Variants in RGS10 observed in about 807,000 individuals in gnomAD.
RGS10 encodes regulator of G protein signaling 10.
RGS10 carries 11 observed loss-of-function variants against 23.5 expected under a neutral mutation model. The ratio of observed to expected loss-of-function variants is 0.47; its 90% confidence interval spans 0.29 to 0.77. The LOEUF (loss-of-function observed/expected upper bound fraction) is 0.77. Among genes scored for constraint, RGS10 ranks in the 30% least tolerant of loss-of-function variants. The pLI is 0.08. For synonymous variants in RGS10, 77 were observed against 83.2 expected (o/e 0.92, Z 0.41); for missense variants, 180 against 226.3 (o/e 0.80, Z 1.31).
intron 4 of RGS10, among the ~76,000 whole-genome samples, chr10:119,510,043 G>A (rs577283549): frequency 1.4e-4 from 21 of 152,164 alleles, no homozygotes; most frequent in Middle Eastern, 6.8e-3. Flanking sequence ...AGGGTTTCAC[G>A]GCTGACTTTC....
At chr10:119,523,999 C>A (rs567271786) in intron 3 of RGS10, among the ~76,000 whole-genome samples, 2 of 152,322 alleles carry the variant, frequency 1.3e-5, no homozygotes, top group East Asian at 3.9e-4. Context: ...TGTCGCCAGC[C>A]CTGCCTGCCC....
At chr10:119,510,619 C>T (rs1844066159) in intron 4 of RGS10, among the ~76,000 whole-genome samples, 1 of 152,186 alleles carries the variant, frequency 6.6e-6, no homozygotes, top group South Asian at 2.1e-4. Context: ...CAGAGTAGGG[C>T]CTCAGTTCAT....
intron 1 of RGS10, among the ~76,000 whole-genome samples, chr10:119,532,386 G>A (rs548416554): frequency 4.6e-5 from 7 of 152,116 alleles, no homozygotes; most frequent in Non-Finnish European, 1.0e-4. Context: ...CTGCTCAGGG[G>A]ACACACTAAG....
At chr10:119,523,163 T>G (rs1347555044) in intron 3 of RGS10, among the ~76,000 whole-genome samples, 3 of 152,146 alleles carry the variant, frequency 2.0e-5, no homozygotes, top group African/African-American at 7.2e-5. Flanking sequence ...TCGGGCGAGC[T>G]GCCGCTTAAC....
chr10:119,522,881 C>CTTT (rs35536168), intron 3 of RGS10, among the ~76,000 whole-genome samples: 1 of 147,748 alleles, frequency 6.8e-6, no homozygotes, highest in Non-Finnish European at 1.5e-5. Context: ...GCTCTGAATT[C>CTTT]TTTTTTTTTT....
chr10:119,502,840 C>T (rs7077832), intron 4 of RGS10, among the ~76,000 whole-genome samples: 10,584 of 152,290 alleles, frequency 0.069, 496 homozygotes, highest in African/African-American at 0.12. Context: ...GCCCATCTCC[C>T]GTGCTGCTGC....
chr10:119,527,242 CCT>C lies in RGS10; in HGVS notation c.168+62_168+63del. 1 of 1,187,320 alleles carries C rather than the reference CCT, an allele frequency of 8.4e-7. No homozygotes were observed. The highest frequency in any genetic ancestry group is 1.2e-6 in the Non-Finnish European group (1 of 805,800). The allele number at this position is 1,187,320 out of a possible 1,614,324, so 73.5% of individuals were successfully genotyped here. ...CAATGTTGAACTGGCCTATTTCTCC[CCT>C]GTGTGCATCTGAACTTCTGCACACA... On this transcript the variant is annotated intron_variant, in intron 2 of 4. Transcript: ENST00000369103. This position sits in a 1 kb window ranked among gnomAD's most constrained non-coding sequence, Gnocchi z 4.2.
rs568789474 is a variant in RGS10 at position 119,536,346 on chromosome 10, C to T, written c.49+6244G>A. On this transcript the variant is annotated intron_variant, in intron 1 of 4. Coordinates refer to ENST00000369103, the MANE Select transcript of RGS10 (RefSeq NM_001005339.2). ...AGCCAAGTGCTCCTACTGGCCCTTCCACAGTCACCTGTGCACCTCTGTGTC... is the reference window on the plus strand; with the variant it reads ...AGCCAAGTGCTCCTACTGGCCCTTCTACAGTCACCTGTGCACCTCTGTGTC... The T allele has an allele frequency of 1.0e-5, 9 of 873,378 alleles. No homozygotes were observed. In the East Asian group the frequency reaches 2.5e-4, roughly 24 times the overall value. 54.1% of individuals were successfully genotyped at this position (873,378 alleles called of 1,614,324 possible). A position where few individuals can be genotyped will look rare whatever the true frequency, so the allele number is the denominator to read the frequency against.
intron 4 of RGS10, among the ~76,000 whole-genome samples, chr10:119,510,735 T>C (rs2133947805): frequency 6.6e-6 from 1 of 152,308 alleles, no homozygotes; most frequent in East Asian, 1.9e-4. Flanking sequence ...TATTTGTTTT[T>C]TGAGATGGAG....
intron 4 of RGS10, among the ~76,000 whole-genome samples, chr10:119,505,701 T>G (rs1197094306): frequency 1.3e-5 from 2 of 152,224 alleles, no homozygotes; most frequent in Non-Finnish European, 2.9e-5. Context: ...CCCTGACGCA[T>G]ACTCATCTGT....
intron 4 of RGS10, among the ~76,000 whole-genome samples, chr10:119,506,762 G>C (rs1013405912): frequency 6.6e-6 from 1 of 152,084 alleles, no homozygotes; most frequent in Non-Finnish European, 1.5e-5. Flanking sequence ...GTGCAGCGGC[G>C]CGATCTCAGC....
chr10:119,502,930 C>T (rs1202401129), intron 4 of RGS10, among the ~76,000 whole-genome samples: 4 of 152,178 alleles, frequency 2.6e-5, no homozygotes, highest in South Asian at 2.1e-4. Flanking sequence ...AGCCCTCGTG[C>T]GCCTGGGCTG....
At position 119,500,781 on chromosome 10, in the gene RGS10, G is replaced by A. The variant is rs146813097; in HGVS notation, c.400-522C>T. 5.2e-3 allele frequency among the ~76,000 whole-genome samples: 779 copies of A among 151,254 alleles called. 9 individuals are homozygous for A. The highest frequency in any genetic ancestry group is 0.018 in the African/African-American group (746 of 41,130). On this transcript the variant is annotated intron_variant, in intron 4 of 4. Coordinates refer to ENST00000369103, the MANE Select transcript of RGS10 (RefSeq NM_001005339.2). ...GTCAAAATGAGGCGTGCTCACTGCA[G>A]GGCAGGGCAGCAAAACTATAATCTT... is the stretch of plus-strand genomic sequence containing the variant.
At chr10:119,512,198 AC>A (rs1844086113) in intron 4 of RGS10, among the ~76,000 whole-genome samples, 1 of 152,050 alleles carries the variant, frequency 6.6e-6, no homozygotes, top group South Asian at 2.1e-4. Flanking sequence ...CTGCGGCTCC[AC>A]CATGAAGCCC....
chr10:119,530,552 C>T (rs1017098047), intron 1 of RGS10, among the ~76,000 whole-genome samples: 5 of 152,004 alleles, frequency 3.3e-5, no homozygotes, highest in Non-Finnish European at 5.9e-5. Context: ...AGGCTGGGCA[C>T]GGTGGTTCAC....
chr10:119,539,682 C>G (rs574318389), intron 1 of RGS10, among the ~76,000 whole-genome samples: 1 of 152,052 alleles, frequency 6.6e-6, no homozygotes, highest in Admixed American at 6.6e-5. Flanking sequence ...ACCCACAGGA[C>G]GGGTGGAACA....
intron 1 of RGS10, among the ~76,000 whole-genome samples, chr10:119,536,143 G>A (rs1435319957): frequency 6.6e-6 from 1 of 152,190 alleles, no homozygotes. Context: ...TCCCTTGCCA[G>A]AGAGATCTGA....
intron 3 of RGS10, among the ~76,000 whole-genome samples, chr10:119,523,990 G>A (rs1844246178): frequency 6.6e-6 from 1 of 151,976 alleles, no homozygotes; most frequent in Non-Finnish European, 1.5e-5. Context: ...CTCAGCTCTT[G>A]TCGCCAGCCC....
At chr10:119,514,915 G>A (rs1055904326) in intron 4 of RGS10, among the ~76,000 whole-genome samples, 16 of 152,050 alleles carry the variant, frequency 1.1e-4, no homozygotes, top group African/African-American at 2.7e-4. Context: ...ATGCCCATGC[G>A]TCCTTCCGAC....
Sources: gnomAD v4.1 joint callset for allele counts (sites outside exome capture counted in the v4.1 genomes callset) on GRCh38, gnomAD v4.1.1 for gene constraint, Gnocchi (gnomAD v3.1) non-coding constraint, MANE v1.5 for transcripts, NCBI Gene and HGNC (gene_info 2026-07-23, HGNC 2026-07-21) for gene names.